RYR2: variants seen among roughly 807,000 people sequenced by gnomAD.
RYR2 encodes the protein ryanodine receptor 2.
RYR2 carries 227 observed loss-of-function variants against 601.1 expected under a neutral mutation model. The observed-to-expected ratio is 0.38, with a 90% CI of 0.34 to 0.42. RYR2 has a LOEUF of 0.42. Ranked by LOEUF, RYR2 falls within the 10% of genes least tolerant of loss-of-function variation. RYR2 has a pLI of 1.00. For missense variants in RYR2, 4,646 were observed against 6,156.5 expected (o/e 0.75, Z 8.21); for synonymous variants, 2,223 against 2,175.1 (o/e 1.02, Z -0.61).
chr1:237,212,961 A>G (rs1365034770), intron 1 of RYR2, among the ~76,000 whole-genome samples: 3 of 151,824 alleles, frequency 2.0e-5, no homozygotes, highest in Non-Finnish European at 4.4e-5. Context: ...TAGTAGAGAC[A>G]GGGTTTCACC....
intron 74 of RYR2, among the ~76,000 whole-genome samples, chr1:237,725,633 A>G (rs1395472945): frequency 1.3e-5 from 2 of 152,122 alleles, no homozygotes; most frequent in African/African-American, 4.8e-5. Flanking sequence ...TACAAGGTAC[A>G]TCTTTGTGTT....
chr1:237,752,708 T>G (rs1692634057), intron 80 of RYR2, among the ~76,000 whole-genome samples: 1 of 152,190 alleles, frequency 6.6e-6, no homozygotes, highest in African/African-American at 2.4e-5. Flanking sequence ...TTCACTCCCT[T>G]TCTTCATTGT....
At chr1:237,298,403 AT>A (rs1279465623) in intron 2 of RYR2, among the ~76,000 whole-genome samples, 1 of 152,212 alleles carries the variant, frequency 6.6e-6, no homozygotes, top group Non-Finnish European at 1.5e-5. Flanking sequence ...AAATCAGATT[AT>A]CAATGAGATG....
At chr1:237,121,901 GTGAAA>G (rs918512694) in intron 1 of RYR2, among the ~76,000 whole-genome samples, 3 of 152,210 alleles carry the variant, frequency 2.0e-5, no homozygotes, top group Non-Finnish European at 2.9e-5. Flanking sequence ...GAAATTAAGT[GTGAAA>G]TGCAGGAAAA....
chr1:237,689,348 A>G lies in RYR2; in HGVS notation c.9067+1844A>G, dbSNP rs759331755. On this transcript the variant is annotated intron_variant, in intron 63 of 104. Coordinates refer to ENST00000366574, the MANE Select transcript of RYR2 (RefSeq NM_001035.3). ...ATTTAATCATAGCTCAAGCCAAGAC[A>G]TAGAACGTTTCCAACATGCCAGGAG... Among the ~76,000 whole-genome samples, 70 of 152,340 alleles carry G rather than the reference A, an allele frequency of 4.6e-4. 1 individual carries two copies. The highest frequency in any genetic ancestry group is 3.7e-3 in the Admixed American group (56 of 15,302).
chr1:237,574,647 G>C (rs916235107), intron 29 of RYR2, among the ~76,000 whole-genome samples: 3 of 152,186 alleles, frequency 2.0e-5, no homozygotes, highest in Non-Finnish European at 2.9e-5. Context: ...GCAGACTGCT[G>C]TGGTATGGAG....
chr1:237,066,208 C>A (rs1663596188), intron 1 of RYR2, among the ~76,000 whole-genome samples: 1 of 152,174 alleles, frequency 6.6e-6, no homozygotes, highest in Non-Finnish European at 1.5e-5. Context: ...TTGCAAAATG[C>A]CTTTTCTCAT....
In RYR2 at chr1:237,042,315, C is replaced by T. The variant is rs1374449713; in HGVS notation, c.-207C>T. ...TCCCGCACAGTGCGGAGCAGGGAGG[C>T]CCCGCGCCTCGACCACCCGCGCCCG... On this transcript the variant is annotated 5_prime_UTR_variant, in exon 1 of 105. Coordinates refer to ENST00000366574, the MANE Select transcript of RYR2 (RefSeq NM_001035.3). The T allele has an allele frequency of 1.1e-5, 3 of 270,608 alleles. No individual in the cohort carries two copies. The highest frequency in any genetic ancestry group is 8.0e-5 in the East Asian group (1 of 12,544). The allele number at this position is 270,608 out of a possible 1,614,324, so 16.8% of individuals were successfully genotyped here. A position where few individuals can be genotyped will look rare whatever the true frequency, so the allele number is the denominator to read the frequency against.
chr1:237,096,495 C>T (rs1029607553), intron 1 of RYR2, among the ~76,000 whole-genome samples: 5 of 152,150 alleles, frequency 3.3e-5, no homozygotes, highest in Non-Finnish European at 5.9e-5. Context: ...CAGGACCACA[C>T]TGGTTTCAGT....
At chr1:237,743,927 A>T (rs903784452) in intron 80 of RYR2, among the ~76,000 whole-genome samples, 24 of 152,190 alleles carry the variant, frequency 1.6e-4, no homozygotes, top group African/African-American at 5.8e-4. Context: ...TAAGCCAGGG[A>T]CTTCTCATTT....
chr1:237,252,814 G>A (rs1687590056), intron 1 of RYR2, among the ~76,000 whole-genome samples: 2 of 152,124 alleles, frequency 1.3e-5, no homozygotes, highest in African/African-American at 4.8e-5. Context: ...CCCTGGGTGT[G>A]TCTATTGCAA....
intron 17 of RYR2, among the ~76,000 whole-genome samples, chr1:237,474,201 A>ATGTATG (rs1553465008): frequency 2.1e-5 from 3 of 141,174 alleles, no homozygotes; most frequent in Admixed American, 7.1e-5. Context: ...GTGTGTATAT[A>ATGTATG]TGTGTGTGTG....
At position 237,589,915 on chromosome 1, in the gene RYR2, G is replaced by A. The variant is rs185715460; in HGVS notation, c.3721G>A (p.Val1241Ile). 1.4e-4 allele frequency: 220 copies of A among 1,613,862 alleles called. No individual in the cohort carries two copies. Among genetic ancestry groups the A allele is most frequent in the East Asian group, 3.8e-4 (17 of 44,836 alleles). ...GLQEGYEPFA[V>I]NTNRDITMWL... ...ACAAGAGGGCTATGAACCATTTGCC[G>A]TTAATACAAACAGGGATATTACCAT... The change falls in exon 30 of 105, where the codon GTT becomes ATT. Residue 1241 changes from valine to isoleucine, a missense_variant. By Grantham distance (29) the Val-to-Ile change is conservative (BLOSUM62 3). This residue lies in a region of RYR2 where 1,807 missense variants were observed against 2,088.1 expected (regional missense o/e 0.87). Transcript: ENST00000366574.
intron 19 of RYR2, among the ~76,000 whole-genome samples, chr1:237,494,369 C>T (rs1172967098): frequency 6.6e-6 from 1 of 152,148 alleles, no homozygotes; most frequent in Non-Finnish European, 1.5e-5. Flanking sequence ...GCAGAAAGCA[C>T]CCAGCACGGG....
intron 29 of RYR2, among the ~76,000 whole-genome samples, chr1:237,581,457 T>C (rs1460164766): frequency 6.6e-6 from 1 of 152,096 alleles, no homozygotes; most frequent in Non-Finnish European, 1.5e-5. Flanking sequence ...AATAGCTGTA[T>C]AGCTGTAGAC....
rs1558153116 is a variant in RYR2, at chr1:237,655,998, C to T, written c.8129+14C>T. On this transcript the variant is annotated intron_variant, in intron 53 of 104. Transcript: ENST00000366574. ...TGATACCTCAAAGTATGGACTCTTTCTATTGCAGCAGATTTTTATTGTAAA... is the reference window on the plus strand; with the variant it reads ...TGATACCTCAAAGTATGGACTCTTTTTATTGCAGCAGATTTTTATTGTAAA... 6.2e-7 allele frequency: 1 copy of T among 1,609,946 alleles called. No individual in the cohort carries two copies. The highest frequency in any genetic ancestry group is 8.5e-7 in the Non-Finnish European group (1 of 1,178,140).
chr1:237,223,440 A>G (rs1047024939), intron 1 of RYR2, among the ~76,000 whole-genome samples: 5 of 152,226 alleles, frequency 3.3e-5, no homozygotes, highest in African/African-American at 1.2e-4. Flanking sequence ...GAGAGGATAC[A>G]TTTAAACCAT....
chr1:237,454,418 G>A lies in RYR2; in HGVS notation c.1320G>A (p.Ala440=), dbSNP rs887478410. 8 of 1,610,934 alleles carry A rather than the reference G, an allele frequency of 5.0e-6. No individual in the cohort carries two copies. In the African/African-American group the frequency reaches 6.7e-5, roughly 13 times the overall value. Residue 440 remains alanine, a synonymous_variant, in exon 15 of 105, where the codon GCG becomes GCA. Transcript: ENST00000366574. ...GCCTTGATGCTCTCAGCAAGAAAGC[G>A]AAGGCTTCCACAGTCGATTTGCCTA... ...IRGLDALSKK[A]KASTVDLPIE...
chr1:237,108,175 T>A (rs1235535182), intron 1 of RYR2, among the ~76,000 whole-genome samples: 1 of 152,188 alleles, frequency 6.6e-6, no homozygotes. Flanking sequence ...CTGGGCTCCT[T>A]GCCTAAGCAT....
Sources: gnomAD v4.1 joint callset for allele counts (sites outside exome capture counted in the v4.1 genomes callset) on GRCh38, gnomAD v4.1.1 for gene constraint, gnomAD v4.1.1 regional missense constraint, MANE v1.5 for transcripts, NCBI Gene and HGNC (gene_info 2026-07-23, HGNC 2026-07-21) for gene names.